Variants in NOVA1 observed in about 807,000 individuals in gnomAD.
The protein encoded by NOVA1 is RNA-binding protein Nova-1.
NOVA1 carries 7 observed loss-of-function variants against 38.0 expected under a neutral mutation model. That is an observed-to-expected ratio of 0.18 (90% CI 0.10 to 0.35). The LOEUF is 0.35. Among genes scored for constraint, NOVA1 ranks in the 10% least tolerant of loss-of-function variants. The pLI is 1.00. For synonymous variants in NOVA1, 270 were observed against 232.5 expected (o/e 1.16, Z -1.47); for missense variants, 460 against 616.0 (o/e 0.75, Z 2.68).
chr14:26,593,463 G>C lies in NOVA1; in HGVS notation c.280+1947C>G, dbSNP rs181285914. ...TCTTTAAGCTTCTTATAAACTACGA[G>C]GCTTTATTTTATCCTTAAAATTGAT... On this transcript the variant is annotated intron_variant, in intron 2 of 4. Coordinates refer to ENST00000539517, the MANE Select transcript of NOVA1 (RefSeq NM_002515.3). 2.1e-3 allele frequency: 316 copies of C among 151,882 alleles called. 2 individuals are homozygous for C. Among genetic ancestry groups the C allele is most frequent in the African/African-American group, 7.3e-3 (305 of 41,502 alleles). 9.4% of individuals were successfully genotyped at this position (151,882 alleles called of 1,614,324 possible). A position where few individuals can be genotyped will look rare whatever the true frequency, so the allele number is the denominator to read the frequency against.
intron 2 of NOVA1, among the ~76,000 whole-genome samples, chr14:26,564,799 T>C (rs1422616843): frequency 6.6e-6 from 1 of 152,142 alleles, no homozygotes; most frequent in Non-Finnish European, 1.5e-5. Context: ...ACTTTTTTAG[T>C]TGTAAAACTA....
intron 2 of NOVA1, among the ~76,000 whole-genome samples, chr14:26,574,282 CCCCCT>C (rs2138734933): frequency 9.6e-6 from 1 of 103,638 alleles, no homozygotes; most frequent in African/African-American, 3.6e-5. Flanking sequence ...CCCCCCCCCG[CCCCCT>C]CGGCCTCCCA....
chr14:26,552,386 T>C (rs1891216430), intron 2 of NOVA1, among the ~76,000 whole-genome samples: 1 of 152,088 alleles, frequency 6.6e-6, no homozygotes, highest in Non-Finnish European at 1.5e-5. Context: ...TCTAACAGCA[T>C]AGAAAATCAA....
intron 2 of NOVA1, among the ~76,000 whole-genome samples, chr14:26,542,920 A>G (rs1021118106): frequency 2.0e-5 from 3 of 151,958 alleles, no homozygotes; most frequent in African/African-American, 7.2e-5. Flanking sequence ...GGAAAATGGG[A>G]GAAAATTAAT....
chr14:26,583,498 A>C (rs985916054), intron 2 of NOVA1, among the ~76,000 whole-genome samples: 1 of 151,530 alleles, frequency 6.6e-6, no homozygotes, highest in Non-Finnish European at 1.5e-5. Context: ...TTTTATTTTA[A>C]ATCCCCATCT....
At chr14:26,527,486 G>A (rs968610695) in intron 2 of NOVA1, among the ~76,000 whole-genome samples, 4 of 151,096 alleles carry the variant, frequency 2.6e-5, no homozygotes, top group Admixed American at 1.3e-4. Context: ...TCAGGATACC[G>A]CCAAAAACAA....
At chr14:26,538,421 T>C (rs1159066934) in intron 2 of NOVA1, among the ~76,000 whole-genome samples, 1 of 152,092 alleles carries the variant, frequency 6.6e-6, no homozygotes, top group Non-Finnish European at 1.5e-5. Flanking sequence ...TAATCAAAAA[T>C]AGATGTGTAA....
chr14:26,494,519 T>TAAACTGTAGCCATGAGGAAAAATATC (rs2138370805), intron 2 of NOVA1, among the ~76,000 whole-genome samples: 1 of 152,340 alleles, frequency 6.6e-6, no homozygotes, highest in Non-Finnish European at 1.5e-5. Context: ...GAGATACTGG[T>TAAACTGTAGCCATGAGGAAAAATATC]AAACTGTAGC....
intron 2 of NOVA1, among the ~76,000 whole-genome samples, chr14:26,498,916 G>A (rs545294907): frequency 1.3e-4 from 20 of 152,152 alleles, no homozygotes; most frequent in Non-Finnish European, 2.6e-4. Flanking sequence ...AGAATATTAT[G>A]CTAAGTGAAA....
At chr14:26,581,656 T>C (rs1893233035) in intron 2 of NOVA1, among the ~76,000 whole-genome samples, 1 of 151,980 alleles carries the variant, frequency 6.6e-6, no homozygotes, top group Admixed American at 6.6e-5. Flanking sequence ...AAAATTTTTG[T>C]AGGATTTACA....
intron 2 of NOVA1, among the ~76,000 whole-genome samples, chr14:26,590,848 C>G (rs867081442): frequency 6.6e-6 from 1 of 151,596 alleles, no homozygotes; most frequent in Non-Finnish European, 1.5e-5. Context: ...CAGAAAGCAT[C>G]AAAAAGCAAA....
At chr14:26,520,612 T>C (rs992207366) in intron 2 of NOVA1, among the ~76,000 whole-genome samples, 1 of 152,056 alleles carries the variant, frequency 6.6e-6, no homozygotes, top group East Asian at 1.9e-4. Context: ...GCTATGAAAA[T>C]ATGTCAGGTG....
chr14:26,518,906 A>G (rs1372713257), intron 2 of NOVA1, among the ~76,000 whole-genome samples: 1 of 152,088 alleles, frequency 6.6e-6, no homozygotes, highest in Non-Finnish European at 1.5e-5. Context: ...TTTCATGTGT[A>G]AAATGTGATT....
In NOVA1 at chr14:26,479,994, G is replaced by T. The variant is rs1186836897; in HGVS notation, c.430C>A (p.Pro144Thr). 1.2e-6 allele frequency: 2 copies of T among 1,613,810 alleles called. No individual in the cohort carries two copies. The highest frequency in any genetic ancestry group is 2.7e-5 in the African/African-American group (2 of 74,880). Residue 144 changes from proline to threonine, a missense_variant, in exon 3 of 5, where the codon CCA becomes ACA. By Grantham distance (38) the Pro-to-Thr change is conservative. Coordinates refer to ENST00000539517, the MANE Select transcript of NOVA1 (RefSeq NM_002515.3). ...SILQPQTTVN[P>T]DRIKQTLPSS... ...ACACTCACTTGTTTGATGCGATCTG[G>T]ATTAACGGTGGTCTGGGGTTGTAGA... is the stretch of plus-strand genomic sequence containing the variant.
At chr14:26,492,845 A>T (rs1429255152) in intron 2 of NOVA1, among the ~76,000 whole-genome samples, 1 of 152,062 alleles carries the variant, frequency 6.6e-6, no homozygotes, top group Non-Finnish European at 1.5e-5. Context: ...TGCACCTGTA[A>T]TCCCAGTTAC....
At chr14:26,533,912 G>T (rs954015671) in intron 2 of NOVA1, among the ~76,000 whole-genome samples, 1 of 152,048 alleles carries the variant, frequency 6.6e-6, no homozygotes, top group Admixed American at 6.6e-5. Flanking sequence ...AATGAAAAAG[G>T]CCTATCAAAT....
At position 26,597,834 on chromosome 14, in the gene NOVA1, G is replaced by C. The variant is rs1894306592; in HGVS notation, c.-398C>G. ...GAGAGCGCGAGGGCTGGCGGGGCGC[G>C]GGGAGAAGCCGAGGAGGAGGGGAGA... On this transcript the variant is annotated 5_prime_UTR_variant, in exon 1 of 5. Coordinates refer to ENST00000539517, the MANE Select transcript of NOVA1 (RefSeq NM_002515.3). 4.3e-6 allele frequency: 1 copy of C among 231,604 alleles called. No individual in the cohort carries two copies. Among genetic ancestry groups the C allele is most frequent in the Non-Finnish European group, 7.2e-6 (1 of 138,598 alleles). 14.3% of individuals were successfully genotyped at this position (231,604 alleles called of 1,614,324 possible).
At chr14:26,555,697 A>G (rs964236319) in intron 2 of NOVA1, among the ~76,000 whole-genome samples, 1 of 152,144 alleles carries the variant, frequency 6.6e-6, no homozygotes, top group Non-Finnish European at 1.5e-5. Context: ...TTAGTTAATA[A>G]TATCAACCTA....
chr14:26,499,218 G>T (rs1887071371), intron 2 of NOVA1, among the ~76,000 whole-genome samples: 1 of 152,002 alleles, frequency 6.6e-6, no homozygotes, highest in South Asian at 2.1e-4. Context: ...TGACAGATAT[G>T]TTAATTTGCT....
Sources: gnomAD v4.1 joint callset for allele counts (sites outside exome capture counted in the v4.1 genomes callset) on GRCh38, gnomAD v4.1.1 for gene constraint, MANE v1.5 for transcripts, NCBI Gene and HGNC (gene_info 2026-07-23, HGNC 2026-07-21) for gene names.